Variants in SLC2A13 observed in about 807,000 individuals in gnomAD.
SLC2A13 encodes proton myo-inositol cotransporter.
A neutral mutation model predicts 64.4 loss-of-function variants in SLC2A13; 32 were observed. That is an observed-to-expected ratio of 0.50 (90% CI 0.37 to 0.67). The LOEUF (loss-of-function observed/expected upper bound fraction) is 0.67. SLC2A13 is among the 30% of genes least tolerant of loss of function. SLC2A13 has a pLI of 0.00. For synonymous variants in SLC2A13, 338 were observed against 327.1 expected (o/e 1.03, Z -0.36); for missense variants, 743 against 829.2 (o/e 0.90, Z 1.28).
At chr12:40,035,251 T>C (rs1947963217) in intron 2 of SLC2A13, among the ~76,000 whole-genome samples, 1 of 152,202 alleles carries the variant, frequency 6.6e-6, no homozygotes, top group Non-Finnish European at 1.5e-5. Context: ...GATATTTACA[T>C]GATAACATGG....
At chr12:40,080,841 T>C (rs1592066792) in intron 1 of SLC2A13, among the ~76,000 whole-genome samples, 1 of 152,260 alleles carries the variant, frequency 6.6e-6, no homozygotes, top group East Asian at 1.9e-4. Context: ...CAGATAATAG[T>C]ATTTCATTTC....
chr12:39,928,788 C>G (rs945228807), intron 4 of SLC2A13, among the ~76,000 whole-genome samples: 39 of 152,248 alleles, frequency 2.6e-4, no homozygotes, highest in African/African-American at 9.4e-4. Flanking sequence ...CTTAACACAG[C>G]AGAACTAAAA....
intron 4 of SLC2A13, among the ~76,000 whole-genome samples, chr12:39,903,995 G>A (rs1444869243): frequency 6.6e-6 from 1 of 152,034 alleles, no homozygotes; most frequent in Non-Finnish European, 1.5e-5. Context: ...CTAACAGCTT[G>A]CAATCTAGAT....
At chr12:39,952,999 T>TA (rs1439497155) in intron 3 of SLC2A13, among the ~76,000 whole-genome samples, 2 of 120,288 alleles carry the variant, frequency 1.7e-5, no homozygotes, top group Non-Finnish European at 1.8e-5. Context: ...ATTTTTTTTT[T>TA]AAAAAAAGAC....
chr12:40,044,420 C>T (rs573226038), intron 2 of SLC2A13, among the ~76,000 whole-genome samples: 1 of 152,194 alleles, frequency 6.6e-6, no homozygotes, highest in South Asian at 2.1e-4. Flanking sequence ...TCTGTGAATA[C>T]ACTAAAAGCC....
chr12:39,981,863 GAC>G (rs1946910157), intron 3 of SLC2A13, among the ~76,000 whole-genome samples: 1 of 112,102 alleles, frequency 8.9e-6, no homozygotes, highest in South Asian at 3.5e-4. Flanking sequence ...GCCGGGCAGA[GAC>G]ACAACCAAAA....
intron 5 of SLC2A13, among the ~76,000 whole-genome samples, chr12:39,869,893 T>G (rs1426501973): frequency 6.6e-6 from 1 of 152,200 alleles, no homozygotes. Context: ...CAGGTAGTAT[T>G]TGAAATCCTA....
chr12:40,098,031 G>A (rs917557298), intron 1 of SLC2A13, among the ~76,000 whole-genome samples: 1 of 145,986 alleles, frequency 6.8e-6, no homozygotes, highest in Non-Finnish European at 1.5e-5. Context: ...GTATATGTAT[G>A]TATATATGTA....
intron 1 of SLC2A13, among the ~76,000 whole-genome samples, chr12:40,062,329 T>A (rs1000193554): frequency 6.6e-6 from 1 of 151,842 alleles, no homozygotes; most frequent in Non-Finnish European, 1.5e-5. Flanking sequence ...GAAATCAAGA[T>A]TATTATTCAT....
Position 40,094,342 on chromosome 12 carries a change from T to C in SLC2A13, c.556+10911A>G, listed in dbSNP as rs139631097. Among the ~76,000 whole-genome samples, 9 of 151,940 alleles carry C rather than the reference T, an allele frequency of 5.9e-5. No individual in the cohort carries two copies. The East Asian group carries it at 1.6e-3, about 26-fold the overall frequency. ...TTCCAAGCCATGAGACAAGATGAGA[T>C]CCCCAAAGGAGTAAATGTAGAGAAG... is the stretch of plus-strand genomic sequence containing the variant. On this transcript the variant is annotated intron_variant, in intron 1 of 9. Coordinates refer to ENST00000280871, the MANE Select transcript of SLC2A13 (RefSeq NM_052885.4).
intron 7 of SLC2A13, among the ~76,000 whole-genome samples, chr12:39,774,017 T>C (rs1466864576): frequency 6.6e-6 from 1 of 152,184 alleles, no homozygotes; most frequent in Non-Finnish European, 1.5e-5. Flanking sequence ...ACAAGGTCCC[T>C]AAGCTATCAC....
intron 4 of SLC2A13, among the ~76,000 whole-genome samples, chr12:39,872,482 T>C (rs1238425440): frequency 6.6e-6 from 1 of 152,124 alleles, no homozygotes; most frequent in Non-Finnish European, 1.5e-5. Context: ...TAGCATTGTG[T>C]AAAAAGATGA....
intron 9 of SLC2A13, among the ~76,000 whole-genome samples, chr12:39,762,661 C>A (rs944617359): frequency 2.6e-5 from 4 of 151,926 alleles, no homozygotes; most frequent in South Asian, 2.1e-4. Flanking sequence ...GAGGAATACA[C>A]GATTAGGATG....
At chr12:40,047,300 A>G (rs1486464732) in intron 2 of SLC2A13, among the ~76,000 whole-genome samples, 1 of 152,220 alleles carries the variant, frequency 6.6e-6, no homozygotes, top group African/African-American at 2.4e-5. Context: ...TCTATTCCCC[A>G]GTATCTACAG....
intron 6 of SLC2A13, among the ~76,000 whole-genome samples, chr12:39,841,064 C>T (rs972760420): frequency 4.6e-5 from 7 of 152,060 alleles, no homozygotes; most frequent in Non-Finnish European, 1.0e-4. Context: ...CCATCTGGAA[C>T]TCTGTAAAAG....
intron 1 of SLC2A13, among the ~76,000 whole-genome samples, chr12:40,057,644 C>T (rs1026436818): frequency 6.6e-6 from 1 of 152,136 alleles, no homozygotes; most frequent in African/African-American, 2.4e-5. Context: ...TCTTGAGCTA[C>T]ACTGATAGAA....
At chr12:39,971,989 A>T (rs1264781102) in intron 3 of SLC2A13, among the ~76,000 whole-genome samples, 9 of 21,642 alleles carry the variant, frequency 4.2e-4, no homozygotes, top group Middle Eastern at 0.018. Context: ...TCCAGAAAAA[A>T]AAAAAAAAAT....
intron 3 of SLC2A13, among the ~76,000 whole-genome samples, chr12:39,978,798 G>C (rs987595147): frequency 6.6e-6 from 1 of 152,100 alleles, no homozygotes; most frequent in Non-Finnish European, 1.5e-5. Context: ...CAGCCTGGAA[G>C]CTCGAACTGG....
At chr12:40,035,784 T>C (rs1947974536) in intron 2 of SLC2A13, among the ~76,000 whole-genome samples, 1 of 152,314 alleles carries the variant, frequency 6.6e-6, no homozygotes. Context: ...AGTAAACTAA[T>C]ATCAGCATAT....
Sources: allele counts gnomAD v4.1 joint callset (sites outside exome capture counted in the v4.1 genomes callset), GRCh38; gene constraint gnomAD v4.1.1; transcripts MANE v1.5; gene names NCBI Gene and HGNC (gene_info 2026-07-23, HGNC 2026-07-21).